SLC22A25: variants seen among roughly 807,000 people sequenced by gnomAD.
SLC22A25 encodes MGI:2442751, MGI:2385316, MGI:3042283, MGI:3645714, MGI:3605624, MGI:2442750.
SLC22A25 carries 44 observed loss-of-function variants against 45.9 expected under a neutral mutation model. That is an observed-to-expected ratio of 0.96 (90% CI 0.75 to 1.23). The LOEUF (loss-of-function observed/expected upper bound fraction) is 1.23, where lower values mean the gene tolerates loss of function less well. SLC22A25 is among the 50% of genes most tolerant of loss of function. SLC22A25 has a pLI of 0.00. For missense variants in SLC22A25, 800 were observed against 666.4 expected, an observed-to-expected ratio of 1.20 and a Z score of -2.21; for synonymous variants, 283 against 238.6, an observed-to-expected ratio of 1.19 and a Z score of -1.72.
At chr11:63,173,458 T>C (rs1418475888) in intron 9 of SLC22A25, among the ~76,000 whole-genome samples, 2 of 152,270 alleles carry the variant, frequency 1.3e-5, no homozygotes, top group Non-Finnish European at 2.9e-5. Flanking sequence ...AGTGAATACT[T>C]ATAATTTTAT....
chr11:63,194,612 G>A (rs2088936921), intron 7 of SLC22A25, among the ~76,000 whole-genome samples: 1 of 152,056 alleles, frequency 6.6e-6, no homozygotes, highest in Non-Finnish European at 1.5e-5. Context: ...GCAGAAACAT[G>A]CCAAATGTAA....
intron 7 of SLC22A25, among the ~76,000 whole-genome samples, chr11:63,196,599 T>C (rs1012333087): frequency 8.7e-4 from 132 of 152,130 alleles, no homozygotes; most frequent in Non-Finnish European, 1.6e-3. Context: ...ATTGATGGGC[T>C]GTATCTCAAA....
At chr11:63,179,017 A>G (rs1360808193) in intron 9 of SLC22A25, among the ~76,000 whole-genome samples, 4 of 151,692 alleles carry the variant, frequency 2.6e-5, no homozygotes, top group Non-Finnish European at 5.9e-5. Flanking sequence ...GCTGGAGTGC[A>G]GTGGTGCAAT....
At chr11:63,211,327 A>G (rs562676897) in intron 7 of SLC22A25, among the ~76,000 whole-genome samples, 1 of 152,314 alleles carries the variant, frequency 6.6e-6, no homozygotes, top group South Asian at 2.1e-4. Context: ...GCAAGCCAAA[A>G]GGTGAATACA....
Position 63,164,033 on chromosome 11 carries a change from C to T in SLC22A25, c.1435G>A (p.Gly479Arg). Residue 479 changes from glycine to arginine, a missense_variant, in exon 12 of 12, where the codon GGG (glycine) becomes AGG (arginine). Gly to Arg is a moderately radical substitution (Grantham distance 125). Transcript: ENST00000306494. ...ATCATGAGGGAAGCCAGGGCTCCCC[C>T]AATATTAGCAAAGTTTCCAGTGATT... Reference protein sequence around the residue: ...TGITGNFANIGGALASLMMIL... With the variant: ...TGITGNFANIRGALASLMMIL... The T allele has an allele frequency of 1.2e-6, 2 of 1,610,414 alleles. No homozygotes were observed. The highest frequency in any genetic ancestry group is 2.2e-5 in the East Asian group (1 of 44,826).
chr11:63,217,744 C>T lies in SLC22A25; in HGVS notation c.507-9G>A, dbSNP rs1565114385. On this transcript the variant is annotated splice_polypyrimidine_tract_variant and intron_variant, in intron 5 of 11. Coordinates refer to ENST00000306494, the MANE Select transcript of SLC22A25 (RefSeq NM_199352.6). The stretch of plus-strand genomic sequence containing the variant: ...CGAACTTTCTCCCAAACCTGAGAAA[C>T]AGGGGCACATTAGATAATGGGAACA... The T allele has an allele frequency of 1.3e-6, 2 of 1,598,390 alleles. No individual in the cohort carries two copies. The highest frequency in any genetic ancestry group is 1.7e-6 in the Non-Finnish European group (2 of 1,175,354).
At chr11:63,222,260 A>G (rs1476956543) in intron 5 of SLC22A25, among the ~76,000 whole-genome samples, 1 of 152,106 alleles carries the variant, frequency 6.6e-6, no homozygotes, top group Non-Finnish European at 1.5e-5. Flanking sequence ...CAATCCACGG[A>G]CATGAATATC....
Position 63,177,351 on chromosome 11 carries a change from AGTGTGTGTGTGT to A in SLC22A25, c.1070+3297_1070+3308del, listed in dbSNP as rs58040188. Reference sequence around the variant, plus strand: ...CATTATCTCACACATTCATCATTTGAGTGTGTGTGTGTGTGTGTGTGTGTGTGTGTGTGTCGA... The same window carrying A: ...CATTATCTCACACATTCATCATTTGAGTGTGTGTGTGTGTGTGTGTGTCGA... On this transcript the variant is annotated intron_variant, in intron 9 of 11. Coordinates refer to ENST00000306494, the MANE Select transcript of SLC22A25 (RefSeq NM_199352.6). Among the ~76,000 whole-genome samples the A allele has an allele frequency of 1.0e-3, 155 of 149,772 alleles. 1 individual carries two copies. The highest frequency in any genetic ancestry group is 3.5e-3 in the African/African-American group (141 of 40,830).
chr11:63,166,404 A>G (rs911747559), intron 9 of SLC22A25, 146 bp from the exon 10 acceptor site: 5 of 1,445,892 alleles, frequency 3.5e-6, no homozygotes, highest in Admixed American at 5.6e-5. Flanking sequence ...GCAAGTTGAT[A>G]TTTTAAAGTT....
chr11:63,235,408 C>G (rs977820883), intron 3 of SLC22A25, among the ~76,000 whole-genome samples: 15 of 152,192 alleles, frequency 9.9e-5, no homozygotes, highest in African/African-American at 3.6e-4. Flanking sequence ...TCTTCCATCA[C>G]TCATACCCTT....
chr11:63,223,846 A>G (rs2089903546), intron 5 of SLC22A25, among the ~76,000 whole-genome samples: 1 of 151,940 alleles, frequency 6.6e-6, no homozygotes, highest in South Asian at 2.1e-4. Flanking sequence ...TATATTTCTC[A>G]ATTTCCTTCT....
chr11:63,223,881 T>C (rs906902717), intron 5 of SLC22A25, among the ~76,000 whole-genome samples: 2 of 152,118 alleles, frequency 1.3e-5, no homozygotes, highest in Non-Finnish European at 1.5e-5. Context: ...CCACTAGTCA[T>C]TCAGGAGCAT....
Position 63,217,656 on chromosome 11 carries a change from TGGTG to T in SLC22A25, c.582_585del (p.Thr195SerfsTer20). The T allele has an allele frequency of 6.2e-7, 1 of 1,613,926 alleles. No individual in the cohort carries two copies. Among genetic ancestry groups the T allele is most frequent in the Non-Finnish European group, 8.5e-7 (1 of 1,179,962 alleles). On this transcript the variant is annotated frameshift_variant, in exon 6 of 12. Coordinates refer to ENST00000306494, the MANE Select transcript of SLC22A25 (RefSeq NM_199352.6). LOFTEE classifies it high-confidence loss of function. ...AAGCGCAGGGAGCAGTATACGAGGA[TGGTG>T]GGAGCAAAGGCCGCACAGGTGCCTA...
rs148486285 is a variant in SLC22A25, at chr11:63,204,214, G to A, written c.830+13100C>T. Among the ~76,000 whole-genome samples the A allele has an allele frequency of 7.7e-3, 1,179 of 152,248 alleles. 18 individuals are homozygous for A. Among genetic ancestry groups the A allele is most frequent in the African/African-American group, 0.026 (1,072 of 41,546 alleles). On this transcript the variant is annotated intron_variant, in intron 7 of 11. Coordinates refer to ENST00000306494, the MANE Select transcript of SLC22A25 (RefSeq NM_199352.6). ...AGCCACTGCAGAAACATACCAAATT[G>A]TAAAGACCATTGACAATATGAAGAA...
Position 63,176,895 on chromosome 11 carries a change from T to C in SLC22A25, c.1070+3765A>G, listed in dbSNP as rs184828149. Among the ~76,000 whole-genome samples the C allele has an allele frequency of 1.1e-4, 16 of 152,192 alleles. No homozygotes were observed. The East Asian group carries it at 1.9e-3, about 18-fold the overall frequency. On this transcript the variant is annotated intron_variant, in intron 9 of 11. Transcript: ENST00000306494. Reference sequence around the variant, plus strand: ...GTGTTGCTCATTAGGGTTCTTTGTTTAAACATGAAGGGTTCCCTTTAACAT... The same window carrying C: ...GTGTTGCTCATTAGGGTTCTTTGTTCAAACATGAAGGGTTCCCTTTAACAT...
At chr11:63,187,726 C>G (rs546492107) in intron 7 of SLC22A25, among the ~76,000 whole-genome samples, 2 of 152,130 alleles carry the variant, frequency 1.3e-5, no homozygotes, top group African/African-American at 2.4e-5. Context: ...CTCATCAATA[C>G]CTAATTTATT....
At chr11:63,219,820 G>A (rs1466205246) in intron 5 of SLC22A25, 1 of 857,112 alleles carries the variant, frequency 1.2e-6, no homozygotes, top group African/African-American at 1.7e-5. Flanking sequence ...ATTTTCTCAT[G>A]GCACTGTCCC....
chr11:63,230,251 C>T (rs190313200), intron 3 of SLC22A25, among the ~76,000 whole-genome samples, 155 bp from the exon 4 acceptor site: 1 of 152,198 alleles, frequency 6.6e-6, no homozygotes, highest in Admixed American at 6.5e-5. Context: ...AAGCATACCA[C>T]AAACTCACAC....
Position 63,229,536 on chromosome 11 carries a change from G to A in SLC22A25, c.117C>T (p.Asn39=), listed in dbSNP as rs369322453. 2.0e-5 allele frequency: 32 copies of A among 1,613,998 alleles called. No individual in the cohort carries two copies. The African/African-American group carries it at 3.9e-4, about 20-fold the overall frequency. ...GATGATCAAGTATGAATGCTGCGAA[G>A]TTCTCCAGCTGAGTTTGATGGTATA... ...VIVYHQTQLE[N]FAAFILDHRC... The change falls in exon 4 of 12, where the codon AAC becomes AAT. Residue 39 remains asparagine, a synonymous_variant. Transcript: ENST00000306494.
Sources: allele counts gnomAD v4.1 joint callset (sites outside exome capture counted in the v4.1 genomes callset), GRCh38; gene constraint gnomAD v4.1.1; transcripts MANE v1.5; gene names NCBI Gene and HGNC (gene_info 2026-07-23, HGNC 2026-07-21).